Variants in DUSP14 observed in about 807,000 individuals in gnomAD.
The protein encoded by DUSP14 is dual specificity phosphatase 14, also known as dual specificity protein phosphatase 14.
A neutral mutation model predicts 13.2 loss-of-function variants in DUSP14; 5 were observed. The ratio of observed to expected loss-of-function variants is 0.38; its 90% CI spans 0.20 to 0.80. DUSP14 has a LOEUF of 0.80. DUSP14 is among the 30% of genes least tolerant of loss of function. The probability of loss-of-function intolerance (pLI) is 0.44; values close to 1 mark genes in which losing one functional copy is unlikely to be tolerated. For synonymous variants in DUSP14, 91 were observed against 103.4 expected (o/e 0.88, Z 0.73); for missense variants, 185 against 264.0 (o/e 0.70, Z 2.07).
chr17:37,512,563 C>T lies in DUSP14; in HGVS notation c.291C>T (p.Ile97=), dbSNP rs773950395. ...ACTTTGACACCGTGGCTGACAAGAT[C>T]CACAGTGTGAGCAGGAAGCACGGGG... ...GLYFDTVADK[I]HSVSRKHGAT... is the part of the protein sequence containing the mutation. Residue 97 remains isoleucine (I), a synonymous_variant, in exon 3 of 3, where the codon ATC becomes ATT. Coordinates refer to ENST00000617516, the MANE Select transcript of DUSP14 (RefSeq NM_007026.4). The surrounding 1 kb of genome is among the most constrained non-coding windows in gnomAD (Gnocchi z 4.8). 2 of 1,614,184 alleles carry T rather than the reference C, an allele frequency of 1.2e-6. No individual in the cohort carries two copies. The highest frequency in any genetic ancestry group is 8.5e-7 in the Non-Finnish European group (1 of 1,180,032).
intron 1 of DUSP14, among the ~76,000 whole-genome samples, chr17:37,503,436 CAAAA>C (rs906306078): frequency 1.3e-5 from 2 of 150,066 alleles, no homozygotes; most frequent in Non-Finnish European, 2.9e-5. Flanking sequence ...AAAAACAAAA[CAAAA>C]AACAAGGTTA....
Position 37,489,951 on chromosome 17 carries a change from C to A in DUSP14, c.-188C>A, listed in dbSNP as rs1327974188. 6.9e-6 allele frequency: 1 copy of A among 144,400 alleles called. No homozygotes were observed. The highest frequency in any genetic ancestry group is 1.5e-5 in the Non-Finnish European group (1 of 65,256). 8.9% of individuals were successfully genotyped at this position (144,400 alleles called of 1,614,324 possible). ...TAACCGCAACCCGCTCCGCGCCGCGCCGCGCCGGTAGGGGACCCGCAGGCC... is the reference window on the plus strand; with the variant it reads ...TAACCGCAACCCGCTCCGCGCCGCGACGCGCCGGTAGGGGACCCGCAGGCC... On this transcript the variant is annotated 5_prime_UTR_variant, in exon 1 of 3. Transcript: ENST00000617516.
At chr17:37,497,308 A>G (rs929624423) in intron 1 of DUSP14, among the ~76,000 whole-genome samples, 3 of 152,078 alleles carry the variant, frequency 2.0e-5, no homozygotes, top group African/African-American at 4.8e-5. Flanking sequence ...ATGCCCAGCT[A>G]ATTTTTGTAT....
At chr17:37,508,318 C>T (rs1231997004) in intron 1 of DUSP14, among the ~76,000 whole-genome samples, 1 of 152,234 alleles carries the variant, frequency 6.6e-6, no homozygotes, top group Admixed American at 6.5e-5. Context: ...ACTCTTCCAG[C>T]CCCACTCTGG....
At position 37,507,373 on chromosome 17, in the gene DUSP14, C is replaced by T. The variant is rs779668896; in HGVS notation, c.-180-3304C>T. Reference sequence around the variant, plus strand: ...TGCAGCACCAAGTACCCTAGCGCCACTCAGCAAATGCGAGTTAACGGAATC... The same window carrying T: ...TGCAGCACCAAGTACCCTAGCGCCATTCAGCAAATGCGAGTTAACGGAATC... On this transcript the variant is annotated intron_variant, in intron 1 of 2. Transcript: ENST00000617516. Among the ~76,000 whole-genome samples the T allele has an allele frequency of 2.3e-4, 35 of 152,218 alleles. 1 individual carries two copies. The highest frequency in any genetic ancestry group is 2.0e-3 in the Admixed American group (31 of 15,282).
At chr17:37,493,361 C>G (rs2054041852) in intron 1 of DUSP14, among the ~76,000 whole-genome samples, 1 of 152,146 alleles carries the variant, frequency 6.6e-6, no homozygotes, top group South Asian at 2.1e-4. Flanking sequence ...TATGAACAGC[C>G]CTGAGTCAGG....
At chr17:37,499,265 C>T (rs4794754) in intron 1 of DUSP14, among the ~76,000 whole-genome samples, 39,680 of 152,102 alleles carry the variant, frequency 0.26, 5,438 homozygotes, top group Admixed American at 0.41. Flanking sequence ...ATGGGAATTA[C>T]AATTCAAGGT....
intron 1 of DUSP14, among the ~76,000 whole-genome samples, chr17:37,490,408 G>C (rs984935917): frequency 1.3e-5 from 2 of 152,222 alleles, no homozygotes; most frequent in African/African-American, 4.8e-5. Context: ...GAAGCAACTT[G>C]ACTTTCAGCG....
chr17:37,489,658 G>A (rs946340022), upstream of DUSP14, among the ~76,000 whole-genome samples: 2 of 152,058 alleles, frequency 1.3e-5, no homozygotes, highest in African/African-American at 2.4e-5. Context: ...GGACCTGCAC[G>A]GAGGAGCGCT....
At chr17:37,499,474 G>A (rs890831039) in intron 1 of DUSP14, among the ~76,000 whole-genome samples, 1 of 152,062 alleles carries the variant, frequency 6.6e-6, no homozygotes, top group Non-Finnish European at 1.5e-5. Context: ...CAAAGTACTG[G>A]GATTACAGGT....
chr17:37,508,422 C>T (rs1214041267), intron 1 of DUSP14, among the ~76,000 whole-genome samples: 1 of 152,162 alleles, frequency 6.6e-6, no homozygotes, highest in Non-Finnish European at 1.5e-5. Context: ...AGAGCCCCTG[C>T]ATTATAATGA....
At chr17:37,491,217 T>C (rs1228787694) in intron 1 of DUSP14, among the ~76,000 whole-genome samples, 2 of 152,222 alleles carry the variant, frequency 1.3e-5, no homozygotes, top group Non-Finnish European at 2.9e-5. Context: ...TTGTTAGTTG[T>C]TGTGGACTCA....
At chr17:37,510,301 G>C (rs908153633) in intron 1 of DUSP14, 4 of 152,318 alleles carry the variant, frequency 2.6e-5, no homozygotes, top group African/African-American at 9.7e-5. Context: ...CCCACTGCAG[G>C]GCTGGCTAAC....
chr17:37,508,055 C>T lies in DUSP14; in HGVS notation c.-180-2622C>T, dbSNP rs978607544. 5.3e-5 allele frequency among the ~76,000 whole-genome samples: 8 copies of T among 152,340 alleles called. No homozygotes were observed. In the South Asian group the frequency reaches 1.7e-3, roughly 32 times the overall value. On this transcript the variant is annotated intron_variant, in intron 1 of 2. Coordinates refer to ENST00000617516, the MANE Select transcript of DUSP14 (RefSeq NM_007026.4). ...GTTCCTCCTCATGCTGTGATTTCAC[C>T]TGTGGACTGCTCTGTGTACTCCCAT... is the stretch of plus-strand genomic sequence containing the variant.
At chr17:37,504,972 G>T (rs1200144273) in intron 1 of DUSP14, among the ~76,000 whole-genome samples, 1 of 152,162 alleles carries the variant, frequency 6.6e-6, no homozygotes, top group Admixed American at 6.5e-5. Flanking sequence ...GCTCACTGCA[G>T]CCTCCGCCTC....
chr17:37,504,217 C>T (rs189734621), intron 1 of DUSP14, among the ~76,000 whole-genome samples: 411 of 152,212 alleles, frequency 2.7e-3, no homozygotes, highest in African/African-American at 9.4e-3. Context: ...AACCAATGAT[C>T]GGCTTCTCTT....
Position 37,512,111 on chromosome 17 carries a change from G to T in DUSP14, c.-92-70G>T. On this transcript the variant is annotated intron_variant, in intron 2 of 2. Transcript: ENST00000617516. This position sits in a 1 kb window ranked among gnomAD's most constrained non-coding sequence, Gnocchi z 4.8. ...AAAAAACCCTCTAATCTTCCCATTTGACAAATGTGACAGAAGGCTGTGATG... is the reference window on the plus strand; with the variant it reads ...AAAAAACCCTCTAATCTTCCCATTTTACAAATGTGACAGAAGGCTGTGATG... 1 of 600,906 alleles carries T rather than the reference G, an allele frequency of 1.7e-6. No homozygotes were observed. Among genetic ancestry groups the T allele is most frequent in the South Asian group, 2.4e-5 (1 of 41,660 alleles). The allele number at this position is 600,906 out of a possible 1,614,324, so 37.2% of individuals were successfully genotyped here.
At chr17:37,508,335 G>A (rs1032948168) in intron 1 of DUSP14, among the ~76,000 whole-genome samples, 1 of 152,214 alleles carries the variant, frequency 6.6e-6, no homozygotes, top group Non-Finnish European at 1.5e-5. Context: ...CTGGAGGGAC[G>A]GAATCAGAAG....
chr17:37,502,041 T>C (rs757313908), intron 1 of DUSP14, among the ~76,000 whole-genome samples: 1 of 152,226 alleles, frequency 6.6e-6, no homozygotes, highest in Non-Finnish European at 1.5e-5. Context: ...TTCTGTTAGA[T>C]GATAAAATCC....
Sources: allele counts gnomAD v4.1 joint callset (sites outside exome capture counted in the v4.1 genomes callset), GRCh38; gene constraint gnomAD v4.1.1; non-coding constraint Gnocchi (gnomAD v3.1); transcripts MANE v1.5; gene names NCBI Gene and HGNC (gene_info 2026-07-23, HGNC 2026-07-21).